The following RFTN1 variants were observed in gnomAD, a reference collection of about 807,000 sequenced individuals.
RFTN1 encodes raftlin.
RFTN1 carries 26 observed loss-of-function variants against 46.5 expected under a neutral mutation model. That is an observed-to-expected ratio of 0.56 (90% CI 0.41 to 0.78). RFTN1 has a LOEUF of 0.78. Among genes scored for constraint, RFTN1 ranks in the 30% least tolerant of loss-of-function variants. The pLI is 0.00. For missense variants in RFTN1, 693 were observed against 718.7 expected, an observed-to-expected ratio of 0.96 and a Z score of 0.41; for synonymous variants, 261 against 284.2, an observed-to-expected ratio of 0.92 and a Z score of 0.82.
chr3:16,399,676 G>A (rs565133422), intron 4 of RFTN1, among the ~76,000 whole-genome samples: 18 of 152,066 alleles, frequency 1.2e-4, no homozygotes, highest in Non-Finnish European at 2.6e-4. Flanking sequence ...ATCCATGACC[G>A]TGGTTTCAGT....
rs1465575624 is a variant in RFTN1 at position 16,387,577 on chromosome 3, T to C, written c.442-9475A>G. 1.5e-5 allele frequency among the ~76,000 whole-genome samples: 1 copy of C among 64,750 alleles called. No homozygotes were observed. The highest frequency in any genetic ancestry group is 3.7e-5 in the Non-Finnish European group (1 of 27,116). 42.5% of individuals were successfully genotyped at this position (64,750 alleles called of 152,430 possible). On this transcript the variant is annotated intron_variant, in intron 4 of 9. Coordinates refer to ENST00000334133, the MANE Select transcript of RFTN1 (RefSeq NM_015150.2). This position sits in a 1 kb window ranked among gnomAD's most constrained non-coding sequence, Gnocchi z 5.2. ...CTCTTCTATATCCTCAATTTCTCTC[T>C]CTCTCTCTCTCTCTCTCTCTCTCTC...
rs1471250922 is a variant in RFTN1, at chr3:16,489,011, C to A, written c.145+4714G>T. ...ACTCAGCAGTAAAACAGAAAACACA[C>A]CAAACAACATAAATCAATCTTAAAT... is the stretch of plus-strand genomic sequence containing the variant. On this transcript the variant is annotated intron_variant, in intron 2 of 9. Transcript: ENST00000334133. The surrounding 1 kb of genome is among the most constrained non-coding windows in gnomAD (Gnocchi z 4.0). Among the ~76,000 whole-genome samples, 1 of 152,144 alleles carries A rather than the reference C, an allele frequency of 6.6e-6. No individual in the cohort carries two copies. Among genetic ancestry groups the A allele is most frequent in the Non-Finnish European group, 1.5e-5 (1 of 68,040 alleles).
Position 16,420,977 on chromosome 3 carries a change from T to C in RFTN1, c.333-11494A>G, listed in dbSNP as rs576168007. Among the ~76,000 whole-genome samples the C allele has an allele frequency of 2.0e-5, 3 of 152,304 alleles. No homozygotes were observed. The South Asian group carries it at 6.2e-4, about 32-fold the overall frequency. On this transcript the variant is annotated intron_variant, in intron 3 of 9. Coordinates refer to ENST00000334133, the MANE Select transcript of RFTN1 (RefSeq NM_015150.2). ...ACACTTTGAGTAGCAAGATTCCGAC[T>C]GCTTCAGGAACCACCAGTTCCAGTG...
chr3:16,382,638 T>C lies in RFTN1; in HGVS notation c.442-4536A>G, dbSNP rs1213256145. ...AAGTTCAGACCTACACAGAAGACGA[T>C]CACAGCTGACGGGTCCACTGTTGAT... On this transcript the variant is annotated intron_variant, in intron 4 of 9. Coordinates refer to ENST00000334133, the MANE Select transcript of RFTN1 (RefSeq NM_015150.2). This position sits in a 1 kb window ranked among gnomAD's most constrained non-coding sequence, Gnocchi z 4.7. Among the ~76,000 whole-genome samples, 1 of 152,186 alleles carries C rather than the reference T, an allele frequency of 6.6e-6. No homozygotes were observed. The highest frequency in any genetic ancestry group is 1.5e-5 in the Non-Finnish European group (1 of 68,036).
chr3:16,445,464 C>CTT (rs1243168848), intron 2 of RFTN1, among the ~76,000 whole-genome samples: 1 of 115,108 alleles, frequency 8.7e-6, no homozygotes, highest in Non-Finnish European at 1.7e-5. Flanking sequence ...TTCTTTCTCT[C>CTT]TTTCTCTCTC....
intron 4 of RFTN1, among the ~76,000 whole-genome samples, chr3:16,394,405 A>G (rs987206344): frequency 2.0e-5 from 3 of 152,122 alleles, no homozygotes; most frequent in Admixed American, 1.3e-4. Context: ...AAACAAAGCA[A>G]TGCAGGAATT....
In RFTN1 at chr3:16,324,333, CATT is replaced by C. The variant is rs148858646; in HGVS notation, c.1251-879_1251-877del. 5.6e-3 allele frequency among the ~76,000 whole-genome samples: 853 copies of C among 152,240 alleles called. 5 individuals are homozygous for C. The highest frequency in any genetic ancestry group is 9.6e-3 in the Non-Finnish European group (651 of 68,012). ...TTTAGGAACTGTAAACTATACAAGG[CATT>C]ATTGTTTATAATAGTCACCATTCTG... is the stretch of plus-strand genomic sequence containing the variant. On this transcript the variant is annotated intron_variant, in intron 8 of 9. Transcript: ENST00000334133.
Position 16,465,403 on chromosome 3 carries a change from G to T in RFTN1, c.145+28322C>A, listed in dbSNP as rs371016425. Among the ~76,000 whole-genome samples, 17 of 147,314 alleles carry T rather than the reference G, an allele frequency of 1.2e-4. No homozygotes were observed. The highest frequency in any genetic ancestry group is 4.3e-4 in the African/African-American group (17 of 39,102). On this transcript the variant is annotated intron_variant, in intron 2 of 9. Transcript: ENST00000334133. This position sits in a 1 kb window ranked among gnomAD's most constrained non-coding sequence, Gnocchi z 5.1. ...CAGGAAAAAAATATCCCCAACAGAG[G>T]TTGGCAGCTCAGAGGGACACACACA...
Position 16,475,862 on chromosome 3 carries a change from A to G in RFTN1, c.145+17863T>C, listed in dbSNP as rs182389858. On this transcript the variant is annotated intron_variant, in intron 2 of 9. Coordinates refer to ENST00000334133, the MANE Select transcript of RFTN1 (RefSeq NM_015150.2). The surrounding 1 kb of genome is among the most constrained non-coding windows in gnomAD (Gnocchi z 4.2). ...TCCACCAATCCCAGATAAATATTCT[A>G]TATCCTACAGACTGAACCAGGAAAA... Among the ~76,000 whole-genome samples, 11 of 152,334 alleles carry G rather than the reference A, an allele frequency of 7.2e-5. No homozygotes were observed. Among genetic ancestry groups the G allele is most frequent in the Admixed American group, 5.9e-4 (9 of 15,310 alleles).
intron 4 of RFTN1, among the ~76,000 whole-genome samples, chr3:16,403,349 G>T (rs1247924794): frequency 6.6e-6 from 1 of 151,452 alleles, no homozygotes; most frequent in Admixed American, 6.6e-5. Flanking sequence ...TAGCTTCTCT[G>T]TGTCTCAGTT....
At chr3:16,434,542 A>G (rs2075464195) in intron 2 of RFTN1, among the ~76,000 whole-genome samples, 1 of 152,012 alleles carries the variant, frequency 6.6e-6, no homozygotes, top group African/African-American at 2.4e-5. Context: ...GCAACAGAGC[A>G]AGCCACTGTC....
rs911052525 is a variant in RFTN1 at position 16,475,487 on chromosome 3, A to G, written c.145+18238T>C. 6.6e-6 allele frequency among the ~76,000 whole-genome samples: 1 copy of G among 152,220 alleles called. No homozygotes were observed. The highest frequency in any genetic ancestry group is 1.5e-5 in the Non-Finnish European group (1 of 68,030). ...TTTAGACTACCAATGCCACAGAAAC[A>G]AAAGGCAAAGAAGGCAATTACCCTA... On this transcript the variant is annotated intron_variant, in intron 2 of 9. Coordinates refer to ENST00000334133, the MANE Select transcript of RFTN1 (RefSeq NM_015150.2). The surrounding 1 kb of genome is among the most constrained non-coding windows in gnomAD (Gnocchi z 4.2).
At chr3:16,471,994 G>T (rs1383046294) in intron 2 of RFTN1, 3 of 151,964 alleles carry the variant, frequency 2.0e-5, no homozygotes, top group Non-Finnish European at 4.4e-5. Context: ...ATATGGGGGG[G>T]TCTCGCTGCA....
rs2074120693 is a variant in RFTN1, at chr3:16,385,062, ACT to A, written c.442-6962_442-6961del. 1.3e-5 allele frequency among the ~76,000 whole-genome samples: 2 copies of A among 152,120 alleles called. No homozygotes were observed. Among genetic ancestry groups the A allele is most frequent in the South Asian group, 4.2e-4 (2 of 4,812 alleles). ...CTGCCCACTCCGGCCCTCCCTCATA[ACT>A]CACACGCCCCCGATCCGTGACAACA... On this transcript the variant is annotated intron_variant, in intron 4 of 9. Transcript: ENST00000334133. The surrounding 1 kb of genome is among the most constrained non-coding windows in gnomAD (Gnocchi z 5.0).
Position 16,356,199 on chromosome 3 carries a change from G to A in RFTN1, c.1146+1733C>T, listed in dbSNP as rs991401860. 1.3e-5 allele frequency among the ~76,000 whole-genome samples: 2 copies of A among 152,148 alleles called. No homozygotes were observed. Among genetic ancestry groups the A allele is most frequent in the African/African-American group, 2.4e-5 (1 of 41,406 alleles). Reference sequence around the variant, plus strand: ...GAGGTGACAGGACCTGCCCACACTCGCTTGGCATCTTGGACTGAGCTTTAC... The same window carrying A: ...GAGGTGACAGGACCTGCCCACACTCACTTGGCATCTTGGACTGAGCTTTAC... On this transcript the variant is annotated intron_variant, in intron 7 of 9. Transcript: ENST00000334133. The surrounding 1 kb of genome is among the most constrained non-coding windows in gnomAD (Gnocchi z 4.9).
intron 2 of RFTN1, among the ~76,000 whole-genome samples, chr3:16,444,604 G>A (rs1311250695): frequency 1.3e-5 from 2 of 152,206 alleles, no homozygotes; most frequent in Non-Finnish European, 2.9e-5. Flanking sequence ...GGCCACCCCA[G>A]ACACTGAACT....
intron 3 of RFTN1, among the ~76,000 whole-genome samples, chr3:16,432,803 T>A (rs1404632747): frequency 3.3e-5 from 5 of 152,198 alleles, no homozygotes; most frequent in Non-Finnish European, 7.3e-5. Context: ...CACCTTTCAC[T>A]TTGAATTCTA....
chr3:16,379,304 A>G (rs1049725145), intron 4 of RFTN1, among the ~76,000 whole-genome samples: 2 of 152,276 alleles, frequency 1.3e-5, no homozygotes, highest in Non-Finnish European at 2.9e-5. Flanking sequence ...GGAAAACTGC[A>G]GTTGCAAACA....
At chr3:16,359,032 C>CAAAAAAAAAA in intron 6 of RFTN1, among the ~76,000 whole-genome samples, 1 of 89,516 alleles carries the variant, frequency 1.1e-5, no homozygotes, top group Non-Finnish European at 2.2e-5. Context: ...ATTCTGTCTC[C>CAAAAAAAAAA]AAAAAAAAAA....
Sources: allele counts gnomAD v4.1 joint callset (sites outside exome capture counted in the v4.1 genomes callset), GRCh38; gene constraint gnomAD v4.1.1; non-coding constraint Gnocchi (gnomAD v3.1); transcripts MANE v1.5; gene names NCBI Gene and HGNC (gene_info 2026-07-23, HGNC 2026-07-21).